KATNAL2: variants seen among roughly 807,000 people sequenced by gnomAD.
KATNAL2 encodes katanin catalytic subunit A1 like 2.
In KATNAL2, 52 loss-of-function variants were observed where a neutral mutation model predicts 76.3. That is an observed-to-expected ratio of 0.68 (90% confidence interval 0.55 to 0.86). The LOEUF is 0.86. Ranked by LOEUF, KATNAL2 falls within the 40% of genes least tolerant of loss-of-function variation. The pLI is 0.00. For synonymous variants in KATNAL2, 243 were observed against 244.2 expected, an observed-to-expected ratio of 1.00 and a Z score of 0.05; for missense variants, 660 against 668.9, an observed-to-expected ratio of 0.99 and a Z score of 0.15.
In KATNAL2 at chr18:47,077,360, T is replaced by C. The variant is rs368194096; in HGVS notation, c.1110T>C (p.His370=). Residue 370 remains histidine, a synonymous_variant, in exon 15 of 18, where the codon CAT becomes CAC. Coordinates refer to ENST00000683218, the MANE Select transcript of KATNAL2 (RefSeq NM_001387690.1). ...SQRGTASGGE[H]EGSLRMKTEL... ...TCTTGTCTCTCTGTAGGGGAGAACA[T>C]GAAGGAAGCCTGCGGATGAAGACAG... 1.4e-5 allele frequency: 22 copies of C among 1,613,102 alleles called. No individual in the cohort carries two copies. Among genetic ancestry groups the C allele is most frequent in the Non-Finnish European group, 1.9e-5 (22 of 1,179,308 alleles).
chr18:46,940,789 C>A (rs118028450), intron 1 of KATNAL2, among the ~76,000 whole-genome samples: 2 of 152,124 alleles, frequency 1.3e-5, no homozygotes, highest in African/African-American at 4.8e-5. Context: ...TTTGGGAGGC[C>A]GAGTTGGGAC....
At position 47,044,013 on chromosome 18, in the gene KATNAL2, A is replaced by C. The variant is rs143760656; in HGVS notation, c.52-2444A>C. 6.8e-3 allele frequency among the ~76,000 whole-genome samples: 1,030 copies of C among 152,316 alleles called. 20 individuals carry two copies. The highest frequency in any genetic ancestry group is 0.035 in the Admixed American group (529 of 15,302). ...AGGAAGTGAATAGTTAATGCCTAAC[A>C]CACATATCATGAAACAATGATATAT... On this transcript the variant is annotated intron_variant, in intron 3 of 17. Coordinates refer to ENST00000683218, the MANE Select transcript of KATNAL2 (RefSeq NM_001387690.1).
At chr18:47,083,305 T>C (rs949008650) in intron 15 of KATNAL2, among the ~76,000 whole-genome samples, 1 of 152,226 alleles carries the variant, frequency 6.6e-6, no homozygotes, top group Non-Finnish European at 1.5e-5. Flanking sequence ...GATGAGGGAG[T>C]AGACTTATCT....
rs2059396029 is a variant in KATNAL2, at chr18:46,946,859, T to C, written c.-14T>C. On this transcript the variant is annotated 5_prime_UTR_variant, in exon 3 of 18. Transcript: ENST00000683218. Reference sequence around the variant, plus strand: ...TACTTTTCTCCCTTCTCTAGGGTCCTAGCACAGTGTCTGATGGAGCTTTCC... The same window carrying C: ...TACTTTTCTCCCTTCTCTAGGGTCCCAGCACAGTGTCTGATGGAGCTTTCC... 1.3e-6 allele frequency: 2 copies of C among 1,535,696 alleles called. No individual in the cohort carries two copies. Among genetic ancestry groups the C allele is most frequent in the Non-Finnish European group, 1.7e-6 (2 of 1,146,612 alleles).
intron 7 of KATNAL2, 27 bp downstream of exon 7, chr18:47,058,379 G>A (rs1046872163): frequency 1.5e-6 from 2 of 1,321,326 alleles, no homozygotes; most frequent in Admixed American, 1.7e-5. Context: ...TTGACTTTGT[G>A]AACAGCACAC....
chr18:47,031,472 G>C (rs1039665347), intron 3 of KATNAL2, among the ~76,000 whole-genome samples: 21 of 152,108 alleles, frequency 1.4e-4, no homozygotes, highest in African/African-American at 4.6e-4. Flanking sequence ...TCTGCAGAAA[G>C]AAAATCATTA....
At chr18:47,077,751 T>C (rs148706843) in intron 15 of KATNAL2, among the ~76,000 whole-genome samples, 78 of 152,316 alleles carry the variant, frequency 5.1e-4, no homozygotes, top group African/African-American at 1.9e-3. Flanking sequence ...GACTTTGGCA[T>C]AGAACTACAA....
chr18:46,937,701 G>T (rs1171076361), intron 1 of KATNAL2, among the ~76,000 whole-genome samples: 2 of 152,126 alleles, frequency 1.3e-5, no homozygotes, highest in Admixed American at 1.3e-4. Flanking sequence ...TGTGCACTAG[G>T]AGACATGTAC....
chr18:46,934,355 T>C (rs918802195), intron 1 of KATNAL2, among the ~76,000 whole-genome samples: 8 of 152,242 alleles, frequency 5.3e-5, no homozygotes, highest in African/African-American at 1.9e-4. Flanking sequence ...TGGTGCGAGA[T>C]GGTATCTCAT....
chr18:47,071,334 C>T (rs1477489047), intron 13 of KATNAL2, among the ~76,000 whole-genome samples: 2 of 152,122 alleles, frequency 1.3e-5, no homozygotes, highest in Admixed American at 6.6e-5. Context: ...TAGAAACATA[C>T]TATGTTCCCT....
intron 15 of KATNAL2, among the ~76,000 whole-genome samples, chr18:47,088,489 G>C (rs1459582862): frequency 6.6e-6 from 1 of 152,008 alleles, no homozygotes; most frequent in Non-Finnish European, 1.5e-5. Context: ...TCTCTATCAG[G>C]GGAGTCTATT....
At chr18:47,100,617 T>G (rs1247533460) in intron 17 of KATNAL2, among the ~76,000 whole-genome samples, 5 of 152,210 alleles carry the variant, frequency 3.3e-5, no homozygotes, top group Non-Finnish European at 7.3e-5. Flanking sequence ...TTTGAGGCAC[T>G]ATATAAATAT....
chr18:46,957,129 T>G (rs1197883737), intron 3 of KATNAL2, among the ~76,000 whole-genome samples: 3 of 152,040 alleles, frequency 2.0e-5, no homozygotes, highest in Non-Finnish European at 4.4e-5. Flanking sequence ...ATGTGTCAAC[T>G]TGACTGTGCT....
At chr18:47,100,844 T>TA (rs1425625240) in intron 17 of KATNAL2, 22 bp from the exon 18 acceptor site, 8 of 1,613,986 alleles carry the variant, frequency 5.0e-6, no homozygotes, top group Non-Finnish European at 6.8e-6. Flanking sequence ...GTTGTGCTGT[T>TA]ACTGTTGTGT....
At position 46,932,356 on chromosome 18, in the gene KATNAL2, T is replaced by C. The variant is rs185593951; in HGVS notation, c.-509-13701T>C. ...AATAAATATGAGAACACAGAAGAAATGTACACAAACTACTAAAAGAAATTA... is the reference window on the plus strand; with the variant it reads ...AATAAATATGAGAACACAGAAGAAACGTACACAAACTACTAAAAGAAATTA... On this transcript the variant is annotated intron_variant, in intron 1 of 17. Transcript: ENST00000683218. Among the ~76,000 whole-genome samples, 50 of 152,040 alleles carry C rather than the reference T, an allele frequency of 3.3e-4. No individual in the cohort carries two copies. In the East Asian group the frequency reaches 7.6e-3, roughly 23 times the overall value.
intron 1 of KATNAL2, among the ~76,000 whole-genome samples, chr18:46,932,195 G>A (rs1415077941): frequency 6.6e-6 from 1 of 152,090 alleles, no homozygotes; most frequent in African/African-American, 2.4e-5. Flanking sequence ...ACAGGCGTGA[G>A]CCACCACGCC....
At chr18:47,033,932 C>T (rs766103603) in intron 3 of KATNAL2, 3 of 1,612,820 alleles carry the variant, frequency 1.9e-6, no homozygotes, top group East Asian at 2.2e-5. Flanking sequence ...GAATCAGCGC[C>T]GGCCGCCTGC....
Position 47,101,272 on chromosome 18 carries a change from C to A in KATNAL2, c.*267C>A. On this transcript the variant is annotated 3_prime_UTR_variant, in exon 18 of 18. Transcript: ENST00000683218. ...TGGAGATTTTTCTGACAATTAGACT[C>A]CATAAAATTTTAATGAACAATTTTC... The A allele has an allele frequency of 3.2e-6, 1 of 312,440 alleles. No homozygotes were observed. The highest frequency in any genetic ancestry group is 6.0e-6 in the Non-Finnish European group (1 of 165,562). 19.4% of individuals were successfully genotyped at this position (312,440 alleles called of 1,614,324 possible).
At chr18:46,958,612 T>C (rs1376799903) in intron 3 of KATNAL2, among the ~76,000 whole-genome samples, 2 of 152,184 alleles carry the variant, frequency 1.3e-5, no homozygotes, top group Non-Finnish European at 2.9e-5. Flanking sequence ...AGATATGAAA[T>C]AGAGATTTTT....
Sources: gnomAD v4.1 joint callset for allele counts (sites outside exome capture counted in the v4.1 genomes callset) on GRCh38, gnomAD v4.1.1 for gene constraint, MANE v1.5 for transcripts, NCBI Gene and HGNC (gene_info 2026-07-23, HGNC 2026-07-21) for gene names.